Variants in AQR observed in about 807,000 individuals in gnomAD.
AQR encodes RNA helicase aquarius.
Under a neutral mutation model 180.5 loss-of-function variants are expected in AQR, and 61 were observed. The observed-to-expected ratio is 0.34, with a 90% CI of 0.28 to 0.42. AQR has a LOEUF of 0.42. Ranked by LOEUF, AQR falls within the 10% of genes least tolerant of loss-of-function variation. The probability of loss-of-function intolerance (pLI) is 1.00; values close to 1 mark genes in which losing one functional copy is unlikely to be tolerated. For missense variants in AQR, 1,281 were observed against 1,798.3 expected, an observed-to-expected ratio of 0.71 and a Z score of 5.20; for synonymous variants, 551 against 588.8, an observed-to-expected ratio of 0.94 and a Z score of 0.93.
chr15:34,880,936 A>C (rs1294974388), intron 27 of AQR, among the ~76,000 whole-genome samples: 2 of 152,170 alleles, frequency 1.3e-5, no homozygotes, highest in African/African-American at 4.8e-5. Flanking sequence ...TAAAACTCTT[A>C]AGTGTGATAA....
At position 34,919,158 on chromosome 15, in the gene AQR, G is replaced by C. The variant is rs140125125; in HGVS notation, c.1222-780C>G. The stretch of plus-strand genomic sequence containing the variant: ...GGAGGCTGAGGCAAGAGAATTGCTT[G>C]AACCCGGGAGGCGGAAGTTGCAGTG... On this transcript the variant is annotated intron_variant, in intron 14 of 34. Coordinates refer to ENST00000156471, the MANE Select transcript of AQR (RefSeq NM_014691.3). Among the ~76,000 whole-genome samples, 495 of 150,886 alleles carry C rather than the reference G, an allele frequency of 3.3e-3. 3 individuals are homozygous for C. Among genetic ancestry groups the C allele is most frequent in the African/African-American group, 0.011 (456 of 41,046 alleles).
chr15:34,963,307 A>G (rs1236474969), intron 2 of AQR, among the ~76,000 whole-genome samples: 1 of 152,144 alleles, frequency 6.6e-6, no homozygotes, highest in African/African-American at 2.4e-5. Flanking sequence ...ACCTAATCCA[A>G]TGAGAATTAA....
intron 27 of AQR, among the ~76,000 whole-genome samples, chr15:34,880,903 G>T (rs938912459): frequency 6.6e-6 from 1 of 152,048 alleles, no homozygotes; most frequent in African/African-American, 2.4e-5. Flanking sequence ...GCCTTTTTTT[G>T]TTAAGTGGAC....
intron 9 of AQR, among the ~76,000 whole-genome samples, chr15:34,938,146 T>C (rs533295830): frequency 6.6e-6 from 1 of 152,168 alleles, no homozygotes; most frequent in South Asian, 2.1e-4. Context: ...CACAACTGTA[T>C]CCCAGCACCT....
chr15:34,871,002 G>T, intron 30 of AQR, 80 bp from the exon 31 acceptor site: 1 of 1,427,022 alleles, frequency 7.0e-7, no homozygotes, highest in Non-Finnish European at 9.6e-7. Context: ...ATCTAGATAA[G>T]CAAAACTTGT....
chr15:34,921,977 A>C (rs1049678159), intron 13 of AQR, among the ~76,000 whole-genome samples: 3 of 152,078 alleles, frequency 2.0e-5, no homozygotes, highest in African/African-American at 7.2e-5. Flanking sequence ...CACTCGGCTA[A>C]ATTTTTGTAT....
chr15:34,879,638 A>ATC (rs1422179755), intron 27 of AQR, among the ~76,000 whole-genome samples: 2 of 152,144 alleles, frequency 1.3e-5, no homozygotes, highest in African/African-American at 4.8e-5. Flanking sequence ...ACCTGGTGTT[A>ATC]GAGTATTGGC....
intron 23 of AQR, among the ~76,000 whole-genome samples, chr15:34,890,988 GACTC>G (rs1027173377): frequency 1.7e-4 from 26 of 152,124 alleles, no homozygotes; most frequent in African/African-American, 5.6e-4. Flanking sequence ...AGTATGGAAA[GACTC>G]ACTAATTAAG....
chr15:34,875,819 G>A, intron 28 of AQR, 116 bp downstream of exon 28: 1 of 714,066 alleles, frequency 1.4e-6, no homozygotes, highest in East Asian at 2.5e-5. Flanking sequence ...ACATAATGAA[G>A]TTAAGGAAAA....
chr15:34,872,841 A>G (rs1459435672), intron 30 of AQR, among the ~76,000 whole-genome samples: 2 of 152,034 alleles, frequency 1.3e-5, no homozygotes, highest in Non-Finnish European at 2.9e-5. Flanking sequence ...TTTTGCTGTA[A>G]AGAGAGAGAG....
At chr15:34,961,186 ATAATT>A (rs1459159887) in intron 2 of AQR, among the ~76,000 whole-genome samples, 1 of 152,180 alleles carries the variant, frequency 6.6e-6, no homozygotes. Context: ...CAGAGAGAAA[ATAATT>A]TAAAAGTGTG....
intron 25 of AQR, 117 bp from the exon 26 acceptor site, chr15:34,884,851 C>T: frequency 1.3e-6 from 1 of 763,188 alleles, no homozygotes; most frequent in Non-Finnish European, 2.1e-6. Context: ...AAAAGAAATT[C>T]AATCTTTGAT....
At chr15:34,929,000 A>G (rs1013632659) in intron 12 of AQR, among the ~76,000 whole-genome samples, 2 of 152,132 alleles carry the variant, frequency 1.3e-5, no homozygotes, top group Non-Finnish European at 2.9e-5. Context: ...TTCCTTTGAG[A>G]AGTGTCTGTT....
intron 19 of AQR, among the ~76,000 whole-genome samples, chr15:34,902,950 A>G (rs923029949): frequency 5.9e-5 from 9 of 152,128 alleles, no homozygotes; most frequent in Non-Finnish European, 1.3e-4. Context: ...ATACATAACA[A>G]ATGTATAATC....
At chr15:34,868,409 T>C (rs566448807) in intron 31 of AQR, 110 of 152,268 alleles carry the variant, frequency 7.2e-4, no homozygotes, top group African/African-American at 2.5e-3. Flanking sequence ...TCACTAATAC[T>C]GGCAACTCAG....
At chr15:34,929,442 G>C (rs538159816) in intron 12 of AQR, among the ~76,000 whole-genome samples, 2 of 152,164 alleles carry the variant, frequency 1.3e-5, no homozygotes, top group East Asian at 3.8e-4. Flanking sequence ...TTACTGAATA[G>C]GAGATCCTTT....
In AQR at chr15:34,897,082, T is replaced by C. The variant is rs369657753; in HGVS notation, c.2391-116A>G. On this transcript the variant is annotated intron_variant, in intron 21 of 34. Transcript: ENST00000156471. ...CTGCTCTGTATTTACCCCAGTTCTC[T>C]CAATCTCTTCTGAATGACTCCCTTC... The C allele has an allele frequency of 6.7e-5, 50 of 744,606 alleles. No homozygotes were observed. The Middle Eastern group carries it at 9.6e-4, about 14-fold the overall frequency. The allele number at this position is 744,606 out of a possible 1,614,324, so 46.1% of individuals were successfully genotyped here.
intron 12 of AQR, among the ~76,000 whole-genome samples, chr15:34,928,195 T>A (rs575229939): frequency 6.6e-6 from 1 of 150,546 alleles, no homozygotes; most frequent in African/African-American, 2.4e-5. Context: ...AAACAGAGAT[T>A]TTTTTTTTTC....
chr15:34,945,799 T>G (rs917521659), intron 5 of AQR, among the ~76,000 whole-genome samples: 8 of 152,220 alleles, frequency 5.3e-5, no homozygotes, highest in Non-Finnish European at 7.3e-5. Flanking sequence ...TTCCTTTTTT[T>G]CATTTAAAAA....
Sources: gnomAD v4.1 joint callset for allele counts (sites outside exome capture counted in the v4.1 genomes callset) on GRCh38, gnomAD v4.1.1 for gene constraint, MANE v1.5 for transcripts, NCBI Gene and HGNC (gene_info 2026-07-23, HGNC 2026-07-21) for gene names.